Variants in ITGAM observed in about 807,000 individuals in gnomAD.
ITGAM encodes the protein integrin subunit alpha M.
Under a neutral mutation model 137.5 loss-of-function variants are expected in ITGAM, and 79 were observed. The ratio of observed to expected loss-of-function variants is 0.57; its 90% CI spans 0.48 to 0.69. ITGAM has a LOEUF of 0.69. Ranked by LOEUF, ITGAM falls within the 30% of genes least tolerant of loss-of-function variation. The pLI, the probability that ITGAM is intolerant of heterozygous loss-of-function variation, is 0.00. For missense variants in ITGAM, 1,343 were observed against 1,483.5 expected (o/e 0.91, Z 1.56); for synonymous variants, 583 against 592.3 (o/e 0.98, Z 0.23).
intron 14 of ITGAM, among the ~76,000 whole-genome samples, chr16:31,318,832 T>C (rs2080418991): frequency 6.6e-6 from 1 of 152,188 alleles, no homozygotes; most frequent in Non-Finnish European, 1.5e-5. Flanking sequence ...ATTTGTCTTT[T>C]TGTTTTAAAA....
intron 14 of ITGAM, among the ~76,000 whole-genome samples, chr16:31,313,021 C>T (rs990398027): frequency 1.3e-5 from 2 of 152,000 alleles, no homozygotes; most frequent in Admixed American, 6.6e-5. Flanking sequence ...AGTTCAAGAC[C>T]AGCCTTGCCA....
Position 31,329,250 on chromosome 16 carries a change from C to T in ITGAM, c.2815C>T (p.Leu939Phe). 6.2e-7 allele frequency: 1 copy of T among 1,612,960 alleles called. No individual in the cohort carries two copies. The highest frequency in any genetic ancestry group is 8.5e-7 in the Non-Finnish European group (1 of 1,179,164). ...CAGCCATGGGGTCTCCACTAAATATCTCAACTTCACGGCCTCAGAGAATAC... is the reference window on the plus strand; with the variant it reads ...CAGCCATGGGGTCTCCACTAAATATTTCAACTTCACGGCCTCAGAGAATAC... ...VTSHGVSTKY[L>F]NFTASENTSR... is the part of the protein sequence containing the mutation. Residue 939 changes from leucine (L) to phenylalanine (F), a missense_variant, in exon 24 of 30, where the codon CTC becomes TTC. By Grantham distance (22) the Leu-to-Phe change is conservative (BLOSUM62 0). Coordinates refer to ENST00000544665, the MANE Select transcript of ITGAM (RefSeq NM_000632.4).
At chr16:31,287,508 A>G (rs1158652778) in intron 12 of ITGAM, among the ~76,000 whole-genome samples, 1 of 152,180 alleles carries the variant, frequency 6.6e-6, no homozygotes. Context: ...AGCATGGAAT[A>G]CTTTTCCGCT....
At chr16:31,264,073 T>C (rs983894482) in intron 2 of ITGAM, among the ~76,000 whole-genome samples, 1 of 151,846 alleles carries the variant, frequency 6.6e-6, no homozygotes, top group African/African-American at 2.4e-5. Flanking sequence ...CCTGACCTCG[T>C]GATCCACTTG....
At chr16:31,280,578 C>A (rs531776268) in intron 12 of ITGAM, among the ~76,000 whole-genome samples, 2 of 152,314 alleles carry the variant, frequency 1.3e-5, no homozygotes, top group East Asian at 3.9e-4. Context: ...GATTTTTGCA[C>A]ACTGATTTTA....
chr16:31,330,646 G>C (rs986645203), intron 28 of ITGAM, 41 bp downstream of exon 28: 1 of 1,426,150 alleles, frequency 7.0e-7, no homozygotes, highest in African/African-American at 1.4e-5. Flanking sequence ...GAGGGAGAGG[G>C]GCTGCGCTTG....
intron 14 of ITGAM, among the ~76,000 whole-genome samples, chr16:31,314,676 T>A (rs908385189): frequency 3.3e-5 from 5 of 152,182 alleles, no homozygotes; most frequent in African/African-American, 1.2e-4. Flanking sequence ...TGCTTCCAGC[T>A]TTGTTGTTTT....
intron 21 of ITGAM, among the ~76,000 whole-genome samples, chr16:31,326,214 C>G (rs2080506935): frequency 6.6e-6 from 1 of 152,100 alleles, no homozygotes; most frequent in Non-Finnish European, 1.5e-5. Context: ...GGCCCTCAGC[C>G]CCAGTCCTCC....
intron 14 of ITGAM, among the ~76,000 whole-genome samples, chr16:31,310,721 T>A (rs972831995): frequency 6.6e-6 from 1 of 152,250 alleles, no homozygotes; most frequent in African/African-American, 2.4e-5. Flanking sequence ...CGTCCAGCTT[T>A]GTTCCGTTGC....
intron 14 of ITGAM, among the ~76,000 whole-genome samples, chr16:31,313,339 C>T (rs1034177737): frequency 3.3e-5 from 5 of 151,924 alleles, no homozygotes; most frequent in African/African-American, 1.2e-4. Flanking sequence ...GGTTTTAAGC[C>T]TCACATGCAT....
At chr16:31,286,725 G>C (rs2080033693) in intron 12 of ITGAM, among the ~76,000 whole-genome samples, 1 of 152,102 alleles carries the variant, frequency 6.6e-6, no homozygotes, top group South Asian at 2.1e-4. Context: ...ATTTGTTGAA[G>C]TTCCTTATAG....
intron 12 of ITGAM, among the ~76,000 whole-genome samples, chr16:31,291,583 G>C (rs2080087465): frequency 6.6e-6 from 1 of 151,978 alleles, no homozygotes; most frequent in African/African-American, 2.4e-5. Flanking sequence ...CATTTTTCTG[G>C]TACACAAAGG....
At chr16:31,261,556 T>G in intron 1 of ITGAM, 136 bp from the exon 2 acceptor site, 2 of 510,990 alleles carry the variant, frequency 3.9e-6, no homozygotes, top group Non-Finnish European at 7.1e-6. Flanking sequence ...CTCTCTCTGT[T>G]GCTCAGGCTG....
intron 5 of ITGAM, among the ~76,000 whole-genome samples, chr16:31,269,798 C>T (rs2079808454): frequency 6.6e-6 from 1 of 152,140 alleles, no homozygotes; most frequent in South Asian, 2.1e-4. Context: ...AACAGTTGGT[C>T]TTTTGTGAAG....
chr16:31,311,028 T>C (rs961988312), intron 14 of ITGAM, among the ~76,000 whole-genome samples: 1 of 152,148 alleles, frequency 6.6e-6, no homozygotes, highest in Non-Finnish European at 1.5e-5. Flanking sequence ...AAAGAAGAAA[T>C]GGGGAAAGGA....
rs1344008003 is a variant in ITGAM at position 31,324,977 on chromosome 16, G to A, written c.2309G>A (p.Cys770Tyr). 1 of 1,611,902 alleles carries A rather than the reference G, an allele frequency of 6.2e-7. No homozygotes were observed. Among genetic ancestry groups the A allele is most frequent in the African/African-American group, 1.3e-5 (1 of 74,706 alleles). Residue 770 changes from cysteine (C) to tyrosine (Y), a missense_variant, in exon 19 of 30, where the codon TGT becomes TAT. Transcript: ENST00000544665. This position sits in a 1 kb window ranked among gnomAD's most constrained non-coding sequence, Gnocchi z 4.5. ...TAAAAGTTTCCCTTTGAGAAGAATT[G>A]TGGCAATGACAACATCTGCCAGGAT... is the stretch of plus-strand genomic sequence containing the variant. Reference protein sequence around the residue: ...FTALFPFEKNCGNDNICQDDL... With the variant: ...FTALFPFEKNYGNDNICQDDL...
At chr16:31,276,823 A>T in intron 10 of ITGAM, 79 bp downstream of exon 10, 1 of 1,561,098 alleles carries the variant, frequency 6.4e-7, no homozygotes, top group Non-Finnish European at 8.7e-7. Flanking sequence ...GGGTTTGGGG[A>T]CTCTTCTCTG....
chr16:31,266,154 T>C lies in ITGAM; in HGVS notation c.427+7T>C, dbSNP rs1555464323. On this transcript the variant is annotated splice_region_variant and intron_variant, in intron 5 of 29. Transcript: ENST00000544665. ...TTCCCAGAGGCCCTCCGAGGTGGGT[T>C]GCCTTTGGCAGAGGGAACAGATGCG... The C allele has an allele frequency of 6.2e-7, 1 of 1,600,148 alleles. No homozygotes were observed. The highest frequency in any genetic ancestry group is 1.1e-5 in the South Asian group (1 of 90,764).
rs1360480855 is a variant in ITGAM, at chr16:31,331,233, G to C, written c.3345G>C (p.Gly1115=). The change falls in exon 29 of 30, where the codon GGG becomes GGC. Residue 1115 remains glycine (G), a synonymous_variant. Coordinates refer to ENST00000544665, the MANE Select transcript of ITGAM (RefSeq NM_000632.4). ...PLPLIVGSSV[G]GLLLLALITA... is the part of the protein sequence containing the mutation. ...CGCTCATCGTGGGCAGCTCTGTCGG[G>C]GGACTGCTGCTCCTGGCCCTCATCA... 2 of 1,613,340 alleles carry C rather than the reference G, an allele frequency of 1.2e-6. No individual in the cohort carries two copies. The highest frequency in any genetic ancestry group is 1.7e-6 in the Non-Finnish European group (2 of 1,179,752).
Sources: gnomAD v4.1 joint callset for allele counts (sites outside exome capture counted in the v4.1 genomes callset) on GRCh38, gnomAD v4.1.1 for gene constraint, Gnocchi (gnomAD v3.1) non-coding constraint, MANE v1.5 for transcripts, NCBI Gene and HGNC (gene_info 2026-07-23, HGNC 2026-07-21) for gene names.